DLG2: variants seen among roughly 807,000 people sequenced by gnomAD.
DLG2 encodes discs large MAGUK scaffold protein 2, also known as disks large homolog 2.
Under a neutral mutation model 132.5 loss-of-function variants are expected in DLG2, and 45 were observed. The ratio of observed to expected loss-of-function variants is 0.34; its 90% CI spans 0.27 to 0.44. The LOEUF is 0.44. Ranked by LOEUF, DLG2 falls within the 20% of genes least tolerant of loss-of-function variation. The pLI, the probability that DLG2 is intolerant of heterozygous loss-of-function variation, is 1.00. For missense variants in DLG2, 1,045 were observed against 1,196.9 expected, an observed-to-expected ratio of 0.87 and a Z score of 1.87; for synonymous variants, 424 against 419.6, an observed-to-expected ratio of 1.01 and a Z score of -0.13.
chr11:84,620,682 T>C (rs1488551334), intron 6 of DLG2, among the ~76,000 whole-genome samples: 3 of 152,086 alleles, frequency 2.0e-5, no homozygotes, highest in Non-Finnish European at 4.4e-5. Flanking sequence ...AACGATATTT[T>C]TGTACTTCAT....
chr11:83,889,042 A>G (rs1407747644), intron 15 of DLG2, among the ~76,000 whole-genome samples: 4 of 152,172 alleles, frequency 2.6e-5, no homozygotes, highest in South Asian at 2.1e-4. Context: ...GGACATAGGC[A>G]TGGGCAAGGA....
intron 26 of DLG2, among the ~76,000 whole-genome samples, chr11:83,463,968 A>G (rs1217373260): frequency 1.3e-5 from 2 of 152,254 alleles, no homozygotes; most frequent in African/African-American, 4.8e-5. Context: ...GGCGAAGACC[A>G]TGGCTTGTTT....
chr11:84,070,391 T>G (rs2096738582), intron 10 of DLG2, among the ~76,000 whole-genome samples: 1 of 152,212 alleles, frequency 6.6e-6, no homozygotes, highest in African/African-American at 2.4e-5. Flanking sequence ...ACTCAAGGCT[T>G]TATTGTCCAT....
intron 12 of DLG2, among the ~76,000 whole-genome samples, chr11:83,978,482 T>C (rs911842426): frequency 5.9e-5 from 9 of 152,120 alleles, no homozygotes; most frequent in African/African-American, 2.2e-4. Flanking sequence ...AAAGAAGTTG[T>C]TCAGGTCTTA....
intron 9 of DLG2, among the ~76,000 whole-genome samples, chr11:84,113,780 T>C (rs958516625): frequency 4.6e-5 from 7 of 152,196 alleles, no homozygotes; most frequent in Non-Finnish European, 7.4e-5. Context: ...AAGTGCAAGA[T>C]AGATGAACGA....
At chr11:83,751,653 G>T (rs771610039) in intron 18 of DLG2, among the ~76,000 whole-genome samples, 3 of 152,072 alleles carry the variant, frequency 2.0e-5, no homozygotes, top group Non-Finnish European at 4.4e-5. Context: ...ATGAGAGAAA[G>T]GGAGAAGTTA....
intron 3 of DLG2, among the ~76,000 whole-genome samples, chr11:85,424,798 G>A (rs1054998672): frequency 1.1e-4 from 16 of 152,014 alleles, no homozygotes; most frequent in African/African-American, 3.9e-4. Context: ...ACAATGTGAG[G>A]ATACAAGGGA....
At chr11:85,127,696 G>A (rs2075293537) in intron 5 of DLG2, among the ~76,000 whole-genome samples, 1 of 152,142 alleles carries the variant, frequency 6.6e-6, no homozygotes, top group African/African-American at 2.4e-5. Flanking sequence ...AAATAGCTTT[G>A]TCTATGAACA....
intron 3 of DLG2, among the ~76,000 whole-genome samples, chr11:85,512,744 G>C (rs191600959): frequency 6.6e-4 from 101 of 152,148 alleles, no homozygotes; most frequent in African/African-American, 2.3e-3. Flanking sequence ...CTATTGGTGG[G>C]AATGTAAATT....
chr11:85,076,818 T>G (rs556205080), intron 6 of DLG2, among the ~76,000 whole-genome samples: 2 of 152,022 alleles, frequency 1.3e-5, no homozygotes, highest in African/African-American at 2.4e-5. Flanking sequence ...AGATGACCCC[T>G]TGACTGGCAT....
intron 3 of DLG2, among the ~76,000 whole-genome samples, chr11:85,549,081 C>T (rs940197726): frequency 7.9e-5 from 12 of 152,266 alleles, no homozygotes; most frequent in African/African-American, 2.4e-4. Context: ...CCAAAACAGC[C>T]GCCCAGTTTT....
At chr11:84,613,573 C>G (rs2099599072) in intron 6 of DLG2, among the ~76,000 whole-genome samples, 1 of 152,072 alleles carries the variant, frequency 6.6e-6, no homozygotes, top group Non-Finnish European at 1.5e-5. Flanking sequence ...ATCATGGTGC[C>G]CTGCACATAG....
chr11:85,623,385 A>T (rs2081859939), intron 2 of DLG2, among the ~76,000 whole-genome samples: 1 of 151,914 alleles, frequency 6.6e-6, no homozygotes, highest in South Asian at 2.1e-4. Context: ...CCTCACTGCA[A>T]CCTCCACCTC....
At chr11:84,632,051 C>A (rs2099633056) in intron 6 of DLG2, among the ~76,000 whole-genome samples, 1 of 152,172 alleles carries the variant, frequency 6.6e-6, no homozygotes, top group Admixed American at 6.6e-5. Context: ...TTTGCCTGAA[C>A]CAGTGAGAGG....
At chr11:84,221,509 T>A (rs2096916143) in intron 8 of DLG2, among the ~76,000 whole-genome samples, 1 of 152,148 alleles carries the variant, frequency 6.6e-6, no homozygotes, top group Admixed American at 6.5e-5. Flanking sequence ...TCTCAATTAA[T>A]GCTATCTATG....
At chr11:84,732,484 T>C (rs2153813128) in intron 6 of DLG2, among the ~76,000 whole-genome samples, 1 of 152,122 alleles carries the variant, frequency 6.6e-6, no homozygotes, top group East Asian at 1.9e-4. Flanking sequence ...AGTACCTCAT[T>C]ATAGTTTTAA....
Position 85,009,773 on chromosome 11 carries a change from T to G in DLG2, c.357+101888A>C, listed in dbSNP as rs571860440. The stretch of plus-strand genomic sequence containing the variant: ...GAACTCCAAAGATGGTGGCTATTGC[T>G]ATCGATTTCTATAAATGCAGCAATT... On this transcript the variant is annotated intron_variant, in intron 6 of 27. Coordinates refer to ENST00000376104, the MANE Select transcript of DLG2 (RefSeq NM_001142699.3). 1.6e-3 allele frequency among the ~76,000 whole-genome samples: 237 copies of G among 152,202 alleles called. 1 individual carries two copies. Among genetic ancestry groups the G allele is most frequent in the African/African-American group, 5.2e-3 (218 of 41,576 alleles).
chr11:85,166,031 C>G (rs1414821789), intron 4 of DLG2, among the ~76,000 whole-genome samples: 1 of 152,136 alleles, frequency 6.6e-6, no homozygotes, highest in Non-Finnish European at 1.5e-5. Flanking sequence ...AGCATCAGCG[C>G]CACCCAGAGA....
rs188266541 is a variant in DLG2, at chr11:85,465,185, C to T, written c.40+133472G>A. On this transcript the variant is annotated intron_variant, in intron 3 of 27. Coordinates refer to ENST00000376104, the MANE Select transcript of DLG2 (RefSeq NM_001142699.3). ...TGAAACAGGGTCTTTCTCTGTTACCCAGGGTTAATTGTCGTGGCACAATCA... is the reference window on the plus strand; with the variant it reads ...TGAAACAGGGTCTTTCTCTGTTACCTAGGGTTAATTGTCGTGGCACAATCA... Among the ~76,000 whole-genome samples, 148 of 139,678 alleles carry T rather than the reference C, an allele frequency of 1.1e-3. 1 individual carries two copies. The highest frequency in any genetic ancestry group is 1.5e-3 in the Non-Finnish European group (97 of 65,574). 91.6% of individuals were successfully genotyped at this position (139,678 alleles called of 152,430 possible).
Sources: gnomAD v4.1 joint callset for allele counts (sites outside exome capture counted in the v4.1 genomes callset) on GRCh38, gnomAD v4.1.1 for gene constraint, MANE v1.5 for transcripts, NCBI Gene and HGNC (gene_info 2026-07-23, HGNC 2026-07-21) for gene names.